NDRG1: variants seen among roughly 807,000 people sequenced by gnomAD.
NDRG1 encodes the protein protein NDRG1.
A neutral mutation model predicts 56.9 loss-of-function variants in NDRG1; 32 were observed. The observed-to-expected ratio is 0.56, with a 90% CI of 0.42 to 0.76. The LOEUF is 0.76. Among genes scored for constraint, NDRG1 ranks in the 30% least tolerant of loss-of-function variants. The pLI, the probability that NDRG1 is intolerant of heterozygous loss-of-function variation, is 0.00. For missense variants in NDRG1, 507 were observed against 545.7 expected, an observed-to-expected ratio of 0.93 and a Z score of 0.71; for synonymous variants, 211 against 204.1, an observed-to-expected ratio of 1.03 and a Z score of -0.29.
In NDRG1 at chr8:133,238,301, C is replaced by T. The variant is rs1054944825; in HGVS notation, c.*577G>A. On this transcript the variant is annotated 3_prime_UTR_variant, in exon 16 of 16. Coordinates refer to ENST00000323851, the MANE Select transcript of NDRG1 (RefSeq NM_006096.4). ...AAAATCGGTTTCTTCAAGTTAACTA[C>T]GTAGATTTGTTGTTCCAAATGCCTC... 1.3e-5 allele frequency: 3 copies of T among 232,484 alleles called. No individual in the cohort carries two copies. Among genetic ancestry groups the T allele is most frequent in the East Asian group, 6.1e-5 (1 of 16,430 alleles). The allele number at this position is 232,484 out of a possible 1,614,324, so 14.4% of individuals were successfully genotyped here. A position where few individuals can be genotyped will look rare whatever the true frequency, so the allele number is the denominator to read the frequency against.
intron 1 of NDRG1, among the ~76,000 whole-genome samples, chr8:133,286,541 G>A (rs539439911): frequency 1.3e-5 from 2 of 152,226 alleles, no homozygotes; most frequent in African/African-American, 4.8e-5. Flanking sequence ...ACCACATGAG[G>A]CAATGGGTTA....
chr8:133,248,861 A>C, intron 10 of NDRG1, 90 bp from the exon 11 acceptor site: 1 of 1,465,936 alleles, frequency 6.8e-7, no homozygotes, highest in Non-Finnish European at 9.5e-7. Flanking sequence ...AGGTCCTGCC[A>C]GTGGCCATTC....
chr8:133,254,721 G>T, intron 8 of NDRG1, 126 bp from the exon 9 acceptor site: 1 of 920,946 alleles, frequency 1.1e-6, no homozygotes, highest in Non-Finnish European at 1.7e-6. Flanking sequence ...CAGGCCTCAA[G>T]GACATCCCCC....
intron 1 of NDRG1, among the ~76,000 whole-genome samples, chr8:133,295,687 C>T (rs1278863520): frequency 6.6e-6 from 1 of 152,238 alleles, no homozygotes; most frequent in Admixed American, 6.5e-5. Flanking sequence ...AACTACATTT[C>T]TGCAGCAAGA....
At chr8:133,248,491 C>T (rs777020111) in intron 11 of NDRG1, among the ~76,000 whole-genome samples, 11 of 152,208 alleles carry the variant, frequency 7.2e-5, no homozygotes, top group African/African-American at 9.7e-5. Context: ...CCATCCTTCT[C>T]CAAGATCAAA....
At chr8:133,252,791 T>C (rs1385268591) in intron 9 of NDRG1, among the ~76,000 whole-genome samples, 1 of 150,270 alleles carries the variant, frequency 6.7e-6, no homozygotes, top group Non-Finnish European at 1.5e-5. Context: ...GGAGGCTCTA[T>C]TCCCCTCGTA....
chr8:133,279,812 G>A (rs970657485), intron 3 of NDRG1, among the ~76,000 whole-genome samples: 1 of 152,200 alleles, frequency 6.6e-6, no homozygotes, highest in African/African-American at 2.4e-5. Context: ...AGTGGGAATG[G>A]AGATACTTCA....
At chr8:133,266,172 T>C (rs1586454959) in intron 3 of NDRG1, among the ~76,000 whole-genome samples, 1 of 152,190 alleles carries the variant, frequency 6.6e-6, no homozygotes, top group Non-Finnish European at 1.5e-5. Flanking sequence ...CAGAGGCAGG[T>C]CCCCCAGACA....
intron 9 of NDRG1, among the ~76,000 whole-genome samples, chr8:133,251,407 C>A (rs916779901): frequency 6.6e-6 from 1 of 152,190 alleles, no homozygotes; most frequent in Admixed American, 6.5e-5. Flanking sequence ...CTACTAAGAG[C>A]AAACTCTGGA....
intron 8 of NDRG1, chr8:133,256,318 T>C (rs1007269040): frequency 1.2e-5 from 2 of 163,950 alleles, no homozygotes; most frequent in South Asian, 3.4e-4. Context: ...TATCGTAAAA[T>C]TCTGTGGCAC....
intron 1 of NDRG1, chr8:133,296,571 C>A (rs563276330): frequency 6.9e-4 from 314 of 456,176 alleles, no homozygotes; most frequent in Middle Eastern, 9.8e-4. Flanking sequence ...CACACCCGTT[C>A]CCGACCCAGT....
At chr8:133,253,470 C>A (rs1012943677) in intron 9 of NDRG1, among the ~76,000 whole-genome samples, 1 of 152,214 alleles carries the variant, frequency 6.6e-6, no homozygotes, top group East Asian at 1.9e-4. Flanking sequence ...ATTTATCACA[C>A]AGGTCACAGA....
intron 2 of NDRG1, chr8:133,281,018 A>C (rs570519712): frequency 9.8e-5 from 15 of 152,326 alleles, no homozygotes; most frequent in Non-Finnish European, 1.5e-5. Context: ...TCTTGTGAGT[A>C]GAAGAGGCAG....
chr8:133,264,406 A>G (rs1180108530), intron 4 of NDRG1, 141 bp downstream of exon 4: 9 of 771,110 alleles, frequency 1.2e-5, no homozygotes, highest in Admixed American at 8.0e-5. Context: ...GGCTGTGGCA[A>G]GAGTTCTTCC....
chr8:133,280,285 A>C lies in NDRG1; in HGVS notation c.64-18T>G, dbSNP rs1181941521. 6.2e-7 allele frequency: 1 copy of C among 1,613,760 alleles called. No individual in the cohort carries two copies. Among genetic ancestry groups the C allele is most frequent in the Admixed American group, 1.7e-5 (1 of 60,032 alleles). On this transcript the variant is annotated intron_variant, in intron 2 of 15. Coordinates refer to ENST00000323851, the MANE Select transcript of NDRG1 (RefSeq NM_006096.4). Reference sequence around the variant, plus strand: ...GTGATGGTCTGTGAAAAGACAAAAAAAATTGTCAATTTCATCTGTTTTCTC... The same window carrying C: ...GTGATGGTCTGTGAAAAGACAAAAACAATTGTCAATTTCATCTGTTTTCTC...
intron 3 of NDRG1, among the ~76,000 whole-genome samples, chr8:133,279,270 G>C (rs577804317): frequency 6.6e-6 from 1 of 152,188 alleles, no homozygotes; most frequent in South Asian, 2.1e-4. Flanking sequence ...ACACACCTTG[G>C]TGGTGGTATA....
chr8:133,275,045 C>T (rs995833987), intron 3 of NDRG1, among the ~76,000 whole-genome samples: 3 of 152,162 alleles, frequency 2.0e-5, no homozygotes, highest in Non-Finnish European at 4.4e-5. Context: ...GACCAGTCCC[C>T]GGGCTGATAC....
chr8:133,255,321 G>C, intron 8 of NDRG1: 1 of 456,268 alleles, frequency 2.2e-6, no homozygotes, highest in Non-Finnish European at 4.4e-6. Context: ...GAACTTCAAG[G>C]CCACAAGGTC....
intron 1 of NDRG1, among the ~76,000 whole-genome samples, chr8:133,296,136 G>A (rs1858737646): frequency 6.6e-6 from 1 of 152,136 alleles, no homozygotes; most frequent in African/African-American, 2.4e-5. Context: ...AGCCCAGCCC[G>A]AAATCTCCTC....
Sources: allele counts gnomAD v4.1 joint callset (sites outside exome capture counted in the v4.1 genomes callset), GRCh38; gene constraint gnomAD v4.1.1; transcripts MANE v1.5; gene names NCBI Gene and HGNC (gene_info 2026-07-23, HGNC 2026-07-21).